The following AK7 variants were observed in gnomAD, a reference collection of about 807,000 sequenced individuals.
The protein encoded by AK7 is ATP-AMP transphosphorylase 7.
In AK7, 78 loss-of-function variants were observed where a neutral mutation model predicts 96.6. The observed-to-expected ratio is 0.81, with a 90% CI of 0.67 to 0.97. The LOEUF (loss-of-function observed/expected upper bound fraction) is 0.97. Among genes scored for constraint, AK7 ranks in the 50% least tolerant of loss-of-function variants. The probability of loss-of-function intolerance (pLI) is 0.00; values close to 1 mark genes in which losing one functional copy is unlikely to be tolerated. For synonymous variants in AK7, 302 were observed against 317.2 expected (o/e 0.95, Z 0.51); for missense variants, 855 against 887.9 (o/e 0.96, Z 0.47).
intron 5 of AK7, among the ~76,000 whole-genome samples, chr14:96,427,027 C>T (rs1054637876): frequency 1.1e-4 from 17 of 152,262 alleles, no homozygotes; most frequent in African/African-American, 3.6e-4. Context: ...GGGCAGATCA[C>T]CTGAGGTTGG....
At chr14:96,431,538 AG>A (rs1383364974) in intron 5 of AK7, among the ~76,000 whole-genome samples, 1 of 152,190 alleles carries the variant, frequency 6.6e-6, no homozygotes. Flanking sequence ...ATTCAGGAGC[AG>A]GTTGTTCAGT....
At chr14:96,460,630 G>A (rs1393431085) in intron 12 of AK7, among the ~76,000 whole-genome samples, 11 of 152,172 alleles carry the variant, frequency 7.2e-5, no homozygotes, top group Admixed American at 5.9e-4. Context: ...CTTTGCCATA[G>A]AGGTTGTCCT....
chr14:96,478,921 T>G (rs1895347912), intron 15 of AK7, among the ~76,000 whole-genome samples: 1 of 151,522 alleles, frequency 6.6e-6, no homozygotes, highest in Admixed American at 6.6e-5. Context: ...TTTTTTTTTT[T>G]GTGGGGGGAT....
chr14:96,460,260 T>C (rs781104570), intron 12 of AK7, among the ~76,000 whole-genome samples: 4 of 152,262 alleles, frequency 2.6e-5, no homozygotes, highest in Non-Finnish European at 5.9e-5. Context: ...TGTTTACACT[T>C]GGACAGTTGA....
chr14:96,451,476 AG>A lies in AK7; in HGVS notation c.1006del (p.Glu336ArgfsTer30), dbSNP rs1486537983. ...VNLRMEALFV[K>X]ENFNIRWAAQ... Reference sequence around the variant, plus strand: ...TTAAGAATGGAAGCGCTCTTTGTGAAGGAGAATTTTAATATTCGATGGGCTG... The same window carrying A: ...TTAAGAATGGAAGCGCTCTTTGTGAAGAGAATTTTAATATTCGATGGGCTG... On this transcript the variant is annotated frameshift_variant, in exon 10 of 18. Coordinates refer to ENST00000267584, the MANE Select transcript of AK7 (RefSeq NM_152327.5). LOFTEE classifies it high-confidence loss of function. The A allele has an allele frequency of 3.1e-6, 5 of 1,599,664 alleles. No homozygotes were observed. The highest frequency in any genetic ancestry group is 4.3e-6 in the Non-Finnish European group (5 of 1,172,054).
In AK7 at chr14:96,486,802, T is replaced by G. The variant is rs1229636389; in HGVS notation, c.1975-96T>G. 8.0e-6 allele frequency: 9 copies of G among 1,128,442 alleles called. No homozygotes were observed. In the African/African-American group the frequency reaches 9.3e-5, roughly 12 times the overall value. The allele number at this position is 1,128,442 out of a possible 1,614,324, so 69.9% of individuals were successfully genotyped here. A position where few individuals can be genotyped will look rare whatever the true frequency, so the allele number is the denominator to read the frequency against. On this transcript the variant is annotated intron_variant, in intron 16 of 17. Transcript: ENST00000267584. ...CATCTGTATCATAGATGGTGACCAT[T>G]TCTAGCAGTGTCTCAATGCACTGTA...
At chr14:96,450,569 C>CA (rs36081779) in intron 9 of AK7, among the ~76,000 whole-genome samples, 11,197 of 147,794 alleles carry the variant, frequency 0.076, 1,419 homozygotes, top group African/African-American at 0.26. Context: ...TCCATCACAA[C>CA]AAAAAAAAAA....
At chr14:96,393,862 A>C (rs1889897048) in intron 1 of AK7, among the ~76,000 whole-genome samples, 1 of 152,104 alleles carries the variant, frequency 6.6e-6, no homozygotes, top group Non-Finnish European at 1.5e-5. Context: ...TAATACTAGC[A>C]CTTTGGGAGG....
Position 96,472,420 on chromosome 14 carries a change from G to T in AK7, c.1487-267G>T, listed in dbSNP as rs183738331. Among the ~76,000 whole-genome samples the T allele has an allele frequency of 3.3e-3, 499 of 152,304 alleles. 12 individuals carry two copies. The highest frequency in any genetic ancestry group is 0.029 in the Admixed American group (448 of 15,296). On this transcript the variant is annotated intron_variant, in intron 13 of 17. Coordinates refer to ENST00000267584, the MANE Select transcript of AK7 (RefSeq NM_152327.5). ...TCCTACTGCCTTGGCCTCCCAAATTGTTGGGATTACAGGTGTGAGCCATGA... is the reference window on the plus strand; with the variant it reads ...TCCTACTGCCTTGGCCTCCCAAATTTTTGGGATTACAGGTGTGAGCCATGA...
chr14:96,420,985 T>G, intron 5 of AK7, 53 bp downstream of exon 5: 3 of 1,273,406 alleles, frequency 2.4e-6, no homozygotes, highest in Non-Finnish European at 2.3e-6. Context: ...TAAACATCTC[T>G]TTGTGTGGTT....
At position 96,404,837 on chromosome 14, in the gene AK7, A is replaced by G; in HGVS notation, c.375A>G (p.Gln125=). ...ATAACATCACTGAGAGCTCACAGCA[A>G]ATGGAGGAAGCCATCTGGGCAGTCT... ...IIYNITESSQ[Q]MEEAIWAVSA... is the part of the protein sequence containing the mutation. Residue 125 remains glutamine, a synonymous_variant, in exon 3 of 18, where the codon CAA becomes CAG. Transcript: ENST00000267584. 1.9e-6 allele frequency: 3 copies of G among 1,610,656 alleles called. No homozygotes were observed. The highest frequency in any genetic ancestry group is 2.5e-6 in the Non-Finnish European group (3 of 1,177,494).
Position 96,456,382 on chromosome 14 carries a change from G to A in AK7, c.1134G>A (p.Val378=), listed in dbSNP as rs771319684. The A allele has an allele frequency of 6.8e-6, 11 of 1,613,784 alleles. No homozygotes were observed. The Admixed American group carries it at 1.8e-4, about 27-fold the overall frequency. The change falls in exon 11 of 18, where the codon GTG becomes GTA. Residue 378 remains valine, a synonymous_variant. Coordinates refer to ENST00000267584, the MANE Select transcript of AK7 (RefSeq NM_152327.5). ...IKICILGPPA[V]GKSSIAKELA... Reference sequence around the variant, plus strand: ...TCTGCATTCTTGGTCCCCCTGCTGTGGGAAAATCCAGTATTGCTAAAGAAT... The same window carrying A: ...TCTGCATTCTTGGTCCCCCTGCTGTAGGAAAATCCAGTATTGCTAAAGAAT...
At chr14:96,466,888 G>C (rs1894596319) in intron 12 of AK7, among the ~76,000 whole-genome samples, 1 of 152,008 alleles carries the variant, frequency 6.6e-6, no homozygotes, top group Non-Finnish European at 1.5e-5. Context: ...CTTGATTTAT[G>C]GTATTTTTTT....
chr14:96,474,661 G>A (rs1321815507), intron 14 of AK7, among the ~76,000 whole-genome samples: 1 of 151,990 alleles, frequency 6.6e-6, no homozygotes, highest in Non-Finnish European at 1.5e-5. Context: ...AAAAAGTAAA[G>A]TTTGTTCATC....
chr14:96,431,029 C>T (rs1190516670), intron 5 of AK7, among the ~76,000 whole-genome samples: 2 of 151,968 alleles, frequency 1.3e-5, no homozygotes, highest in African/African-American at 4.8e-5. Context: ...GGAATTTATC[C>T]ATTTCTTCTA....
intron 5 of AK7, among the ~76,000 whole-genome samples, chr14:96,436,366 C>T (rs916489207): frequency 1.8e-4 from 27 of 152,216 alleles, no homozygotes; most frequent in African/African-American, 6.0e-4. Context: ...TCCTGTAGGC[C>T]GGGCGCAGTG....
chr14:96,458,324 C>T, intron 12 of AK7, 112 bp downstream of exon 12: 1 of 1,380,196 alleles, frequency 7.2e-7, no homozygotes, highest in East Asian at 2.5e-5. Context: ...AGGCGGGCGC[C>T]ATGGCTCATG....
chr14:96,428,434 G>T (rs1460252256), intron 5 of AK7, among the ~76,000 whole-genome samples: 1 of 152,160 alleles, frequency 6.6e-6, no homozygotes, highest in African/African-American at 2.4e-5. Flanking sequence ...ATGTGTGCAT[G>T]TGTCTTTATA....
chr14:96,445,546 G>T (rs1222493377), intron 7 of AK7, among the ~76,000 whole-genome samples: 3 of 152,278 alleles, frequency 2.0e-5, no homozygotes, highest in South Asian at 4.1e-4. Context: ...TGCAGTCCCA[G>T]CTACCCGGGA....
Sources: allele counts gnomAD v4.1 joint callset (sites outside exome capture counted in the v4.1 genomes callset), GRCh38; gene constraint gnomAD v4.1.1; transcripts MANE v1.5; gene names NCBI Gene and HGNC (gene_info 2026-07-23, HGNC 2026-07-21).